KIF13B: variants seen among roughly 807,000 people sequenced by gnomAD.
The protein encoded by KIF13B is kinesin family member 13B.
A neutral mutation model predicts 222.0 loss-of-function variants in KIF13B; 127 were observed. The ratio of observed to expected loss-of-function variants is 0.57; its 90% CI spans 0.50 to 0.66. The LOEUF (loss-of-function observed/expected upper bound fraction) is 0.66, where lower values mean the gene tolerates loss of function less well. Among genes scored for constraint, KIF13B ranks in the 30% least tolerant of loss-of-function variants. The pLI is 0.00. For missense variants in KIF13B, 2,173 were observed against 2,379.0 expected, an observed-to-expected ratio of 0.91 and a Z score of 1.80; for synonymous variants, 976 against 919.0, an observed-to-expected ratio of 1.06 and a Z score of -1.12.
chr8:29,121,127 T>C (rs1317653360), intron 29 of KIF13B, among the ~76,000 whole-genome samples: 2 of 151,712 alleles, frequency 1.3e-5, no homozygotes, highest in South Asian at 2.1e-4. Context: ...ATGGCCATAC[T>C]GCCCAAGGTA....
rs527849509 is a variant in KIF13B, at chr8:29,073,301, C to A, written c.4522-985G>T. Among the ~76,000 whole-genome samples the A allele has an allele frequency of 5.9e-5, 9 of 152,294 alleles. 1 individual carries two copies. In the East Asian group the frequency reaches 1.7e-3, roughly 29 times the overall value. On this transcript the variant is annotated intron_variant, in intron 38 of 39. Transcript: ENST00000524189. ...TGGAGAGAGGCCAGGAAGCAGCCCC[C>A]AGGGAGAAGCCACCAAGTGAGGCCA...
chr8:29,238,251 T>C (rs1220069417), intron 2 of KIF13B, among the ~76,000 whole-genome samples: 2 of 152,224 alleles, frequency 1.3e-5, no homozygotes, highest in African/African-American at 2.4e-5. Flanking sequence ...AGTCTGAAAA[T>C]GACTTCATGT....
At chr8:29,107,507 G>A (rs1809130981) in intron 35 of KIF13B, among the ~76,000 whole-genome samples, 1 of 151,738 alleles carries the variant, frequency 6.6e-6, no homozygotes, top group East Asian at 1.9e-4. Flanking sequence ...CAGCCTGGGT[G>A]ACAAGAGCGA....
intron 24 of KIF13B, among the ~76,000 whole-genome samples, 185 bp downstream of exon 24, chr8:29,130,348 C>G (rs575904776): frequency 6.6e-6 from 1 of 152,172 alleles, no homozygotes; most frequent in African/African-American, 2.4e-5. Flanking sequence ...CCCTGTGTCT[C>G]TACTTCATTA....
chr8:29,249,983 A>T (rs1816209191), intron 1 of KIF13B: 1 of 1,266,790 alleles, frequency 7.9e-7, no homozygotes. Context: ...ATGCAATTTT[A>T]CCTCTTCACT....
chr8:29,093,733 G>A (rs563451651), intron 36 of KIF13B, among the ~76,000 whole-genome samples: 6 of 152,272 alleles, frequency 3.9e-5, no homozygotes, highest in Admixed American at 1.3e-4. Context: ...ACATAAAGCA[G>A]TAGAATATTA....
At chr8:29,126,084 C>CA (rs548074536) in intron 26 of KIF13B, among the ~76,000 whole-genome samples, 3,509 of 148,572 alleles carry the variant, frequency 0.024, 106 homozygotes, top group African/African-American at 0.074. Flanking sequence ...GAGACTCTGT[C>CA]ACAAAAAAAA....
intron 37 of KIF13B, among the ~76,000 whole-genome samples, chr8:29,085,844 C>T (rs1377853209): frequency 1.1e-5 from 1 of 94,418 alleles, no homozygotes; most frequent in Non-Finnish European, 1.9e-5. Flanking sequence ...AACAAGAGCC[C>T]GTAACAAAAA....
At chr8:29,152,933 T>C (rs369856114) in intron 14 of KIF13B, among the ~76,000 whole-genome samples, 4 of 152,208 alleles carry the variant, frequency 2.6e-5, no homozygotes, top group East Asian at 1.9e-4. Flanking sequence ...ATTGCACAAT[T>C]AGTAGACTAT....
chr8:29,225,279 T>C (rs1659086567), intron 2 of KIF13B, among the ~76,000 whole-genome samples: 1 of 152,238 alleles, frequency 6.6e-6, no homozygotes, highest in African/African-American at 2.4e-5. Flanking sequence ...GAGCATTTTA[T>C]GCATATTAAC....
intron 32 of KIF13B, among the ~76,000 whole-genome samples, chr8:29,112,059 C>T (rs1014993740): frequency 3.3e-5 from 5 of 152,198 alleles, no homozygotes; most frequent in South Asian, 2.1e-4. Context: ...CAGGAAAGAA[C>T]TAGTTACTAT....
chr8:29,175,945 T>A, intron 10 of KIF13B, 123 bp downstream of exon 10: 1 of 673,768 alleles, frequency 1.5e-6, no homozygotes, highest in South Asian at 1.7e-5. Context: ...AAGAGCCTAA[T>A]AATTATACAT....
rs1458595566 is a variant in KIF13B, at chr8:29,070,605, G to C, written c.5380C>G (p.Leu1794Val). The change falls in exon 40 of 40, where the codon CTC becomes GTC. Residue 1794 changes from leucine (L) to valine (V), a missense_variant. This residue lies in a region of KIF13B where 693 missense variants were observed against 656.2 expected (regional missense o/e 1.06). Transcript: ENST00000524189. This position sits in a 1 kb window ranked among gnomAD's most constrained non-coding sequence, Gnocchi z 4.1. ...GAPEARRSAT[L>V]SGSATNLASL... ...GCCAGGTTGGTGGCGGAGCCCGAGA[G>C]GGTGGCGCTCCGGCGGGCCTCGGGG... 2 of 1,592,634 alleles carry C rather than the reference G, an allele frequency of 1.3e-6. No homozygotes were observed. Among genetic ancestry groups the C allele is most frequent in the African/African-American group, 1.3e-5 (1 of 74,442 alleles).
chr8:29,109,542 G>C (rs1159749206), intron 33 of KIF13B, 31 bp from the exon 34 acceptor site: 3 of 1,577,722 alleles, frequency 1.9e-6, no homozygotes, highest in Non-Finnish European at 1.7e-6. Context: ...AGAGGAAAAA[G>C]ACATGTAAGA....
intron 10 of KIF13B, among the ~76,000 whole-genome samples, chr8:29,174,257 CTATT>C (rs1228344955): frequency 6.6e-6 from 1 of 151,924 alleles, no homozygotes; most frequent in African/African-American, 2.4e-5. Flanking sequence ...TTAAAGAAAC[CTATT>C]TACTCTATGA....
intron 10 of KIF13B, among the ~76,000 whole-genome samples, chr8:29,167,951 T>C (rs1272136830): frequency 6.6e-6 from 1 of 152,078 alleles, no homozygotes; most frequent in Non-Finnish European, 1.5e-5. Context: ...TCCAACATCT[T>C]CCTCCTTAGA....
At chr8:29,135,098 G>A (rs1192140734) in intron 21 of KIF13B, among the ~76,000 whole-genome samples, 2 of 152,124 alleles carry the variant, frequency 1.3e-5, no homozygotes, top group East Asian at 1.9e-4. Flanking sequence ...AGGCTGGAGT[G>A]AGTGGCACAA....
rs375809245 is a variant in KIF13B at position 29,103,483 on chromosome 8, G to A, written c.4216-4242C>T. On this transcript the variant is annotated intron_variant, in intron 35 of 39. Transcript: ENST00000524189. ...TCTGTACAATAATGATGAAACACACGATAGCAATAAATAGAAACACTACTT... is the reference window on the plus strand; with the variant it reads ...TCTGTACAATAATGATGAAACACACAATAGCAATAAATAGAAACACTACTT... Among the ~76,000 whole-genome samples the A allele has an allele frequency of 7.2e-5, 11 of 152,176 alleles. No homozygotes were observed. In the South Asian group the frequency reaches 1.0e-3, roughly 14 times the overall value.
At chr8:29,105,773 C>T (rs1158980368) in intron 35 of KIF13B, among the ~76,000 whole-genome samples, 4 of 148,468 alleles carry the variant, frequency 2.7e-5, no homozygotes, top group African/African-American at 9.9e-5. Flanking sequence ...ATTCTCCTGC[C>T]TCAGCCTTCC....
Sources: gnomAD v4.1 joint callset for allele counts (sites outside exome capture counted in the v4.1 genomes callset) on GRCh38, gnomAD v4.1.1 for gene constraint, gnomAD v4.1.1 regional missense constraint, Gnocchi (gnomAD v3.1) non-coding constraint, MANE v1.5 for transcripts, NCBI Gene and HGNC (gene_info 2026-07-23, HGNC 2026-07-21) for gene names.